Variants in NELL1 observed in about 807,000 individuals in gnomAD.
NELL1 encodes the protein neural EGFL like 1, also known as protein kinase C-binding protein NELL1.
A neutral mutation model predicts 107.4 loss-of-function variants in NELL1; 76 were observed. The ratio of observed to expected loss-of-function variants is 0.71; its 90% confidence interval spans 0.59 to 0.86. The LOEUF is 0.86. NELL1 is among the 40% of genes least tolerant of loss of function. NELL1 has a pLI of 0.00. For synonymous variants in NELL1, 353 were observed against 341.2 expected, an observed-to-expected ratio of 1.03 and a Z score of -0.38; for missense variants, 1,024 against 1,005.5, an observed-to-expected ratio of 1.02 and a Z score of -0.25.
chr11:21,281,120 CAGT>C (rs1848983246), intron 14 of NELL1, among the ~76,000 whole-genome samples: 1 of 151,720 alleles, frequency 6.6e-6, no homozygotes, highest in Non-Finnish European at 1.5e-5. Context: ...AGCTCAGTCA[CAGT>C]AGGATAGGCA....
chr11:20,891,608 CAGG>C (rs1849618160), intron 5 of NELL1, among the ~76,000 whole-genome samples: 1 of 152,116 alleles, frequency 6.6e-6, no homozygotes, highest in South Asian at 2.1e-4. Context: ...ATGCTGTATT[CAGG>C]AGATCCATCT....
intron 14 of NELL1, among the ~76,000 whole-genome samples, chr11:21,344,475 A>G (rs1850643082): frequency 6.6e-6 from 1 of 152,172 alleles, no homozygotes; most frequent in Non-Finnish European, 1.5e-5. Context: ...ACTCAGCTGA[A>G]TAACATTCAG....
intron 15 of NELL1, among the ~76,000 whole-genome samples, chr11:21,466,463 A>G (rs887179388): frequency 6.6e-6 from 1 of 152,178 alleles, no homozygotes; most frequent in East Asian, 1.9e-4. Context: ...GTGCTCACCC[A>G]GAGAGAAACA....
chr11:20,755,562 G>GTTTTTTT (rs869257918), intron 2 of NELL1, among the ~76,000 whole-genome samples: 2 of 26,044 alleles, frequency 7.7e-5, no homozygotes, highest in African/African-American at 1.3e-4. Context: ...TTTTGTTTTT[G>GTTTTTTT]TTTTTTTTTT....
chr11:20,741,225 C>T (rs2403620), intron 2 of NELL1, among the ~76,000 whole-genome samples: 96,939 of 151,500 alleles, frequency 0.64, 31,161 homozygotes, highest in Middle Eastern at 0.75. Flanking sequence ...GGAGCCTTCT[C>T]GCCCCTCATA....
chr11:21,176,951 GT>G (rs1418243766), intron 13 of NELL1, among the ~76,000 whole-genome samples: 1 of 150,640 alleles, frequency 6.6e-6, no homozygotes, highest in Non-Finnish European at 1.5e-5. Flanking sequence ...GAGTTCTTCA[GT>G]TTTTTTAATT....
chr11:21,008,996 A>G (rs1852389409), intron 12 of NELL1, among the ~76,000 whole-genome samples: 1 of 152,058 alleles, frequency 6.6e-6, no homozygotes, highest in South Asian at 2.1e-4. Flanking sequence ...CATCAGGGAG[A>G]GGGCAACTGT....
intron 3 of NELL1, among the ~76,000 whole-genome samples, chr11:20,821,516 T>C (rs1242031695): frequency 1.3e-5 from 2 of 152,178 alleles, no homozygotes; most frequent in Non-Finnish European, 2.9e-5. Flanking sequence ...GGCAGAGGGA[T>C]TGTAAAACAT....
At chr11:21,248,771 G>A (rs1858561723) in intron 14 of NELL1, among the ~76,000 whole-genome samples, 1 of 152,158 alleles carries the variant, frequency 6.6e-6, no homozygotes, top group Non-Finnish European at 1.5e-5. Flanking sequence ...TTTTCTTTAA[G>A]ACCATTATAA....
intron 2 of NELL1, among the ~76,000 whole-genome samples, chr11:20,688,207 AG>A (rs1854357841): frequency 6.6e-6 from 1 of 152,060 alleles, no homozygotes; most frequent in Non-Finnish European, 1.5e-5. Flanking sequence ...AAATTAAAAA[AG>A]TTTTCTCTTT....
chr11:20,916,852 T>G (rs11828520), intron 5 of NELL1, among the ~76,000 whole-genome samples: 3,099 of 152,058 alleles, frequency 0.02, 118 homozygotes, highest in African/African-American at 0.071. Flanking sequence ...TGGGTGGATC[T>G]TTAGGTTTTT....
At chr11:21,245,430 T>C (rs971118142) in intron 14 of NELL1, among the ~76,000 whole-genome samples, 15 of 152,148 alleles carry the variant, frequency 9.9e-5, no homozygotes, top group African/African-American at 3.4e-4. Context: ...AGTAAATTCT[T>C]AGCTGTTGTG....
At chr11:21,415,645 T>C (rs937173332) in intron 15 of NELL1, among the ~76,000 whole-genome samples, 2 of 152,084 alleles carry the variant, frequency 1.3e-5, no homozygotes, top group African/African-American at 2.4e-5. Flanking sequence ...GTCTCTTTAA[T>C]TGATGACAGC....
intron 14 of NELL1, among the ~76,000 whole-genome samples, chr11:21,328,261 G>T (rs1850191044): frequency 6.6e-6 from 1 of 151,988 alleles, no homozygotes; most frequent in Admixed American, 6.6e-5. Context: ...AGATGTTTCA[G>T]TTGTAGCCAG....
intron 12 of NELL1, among the ~76,000 whole-genome samples, chr11:21,052,614 T>G (rs754085780): frequency 6.6e-6 from 1 of 152,130 alleles, no homozygotes; most frequent in Non-Finnish European, 1.5e-5. Context: ...CCAGCTGTGC[T>G]GTGAAGGAAA....
rs181582705 is a variant in NELL1 at position 21,232,747 on chromosome 11, G to A, written c.1549+3293G>A. Among the ~76,000 whole-genome samples the A allele has an allele frequency of 1.6e-4, 25 of 152,162 alleles. No individual in the cohort carries two copies. In the East Asian group the frequency reaches 3.1e-3, roughly 19 times the overall value. On this transcript the variant is annotated intron_variant, in intron 14 of 19. Coordinates refer to ENST00000357134, the MANE Select transcript of NELL1 (RefSeq NM_006157.5). Reference sequence around the variant, plus strand: ...CAGCTCATTGTAACCTCTGCCTCCCGGCTTCAAGCGATTATCCTGCCTCAG... The same window carrying A: ...CAGCTCATTGTAACCTCTGCCTCCCAGCTTCAAGCGATTATCCTGCCTCAG...
chr11:21,379,857 T>G (rs1288428481), intron 15 of NELL1, among the ~76,000 whole-genome samples: 1 of 152,120 alleles, frequency 6.6e-6, no homozygotes, highest in East Asian at 1.9e-4. Context: ...ATTTTATATC[T>G]TGCCTGTATT....
chr11:21,279,633 A>G (rs2133945747), intron 14 of NELL1, among the ~76,000 whole-genome samples: 1 of 152,306 alleles, frequency 6.6e-6, no homozygotes, highest in South Asian at 2.1e-4. Context: ...AGCACCAGGA[A>G]CTCTACCATC....
chr11:21,357,408 T>G (rs1273628528), intron 14 of NELL1, among the ~76,000 whole-genome samples: 1 of 152,228 alleles, frequency 6.6e-6, no homozygotes, highest in Admixed American at 6.5e-5. Flanking sequence ...TAATTAGTGA[T>G]GTTGAGAATT....
Sources: allele counts gnomAD v4.1 joint callset (sites outside exome capture counted in the v4.1 genomes callset), GRCh38; gene constraint gnomAD v4.1.1; transcripts MANE v1.5; gene names NCBI Gene and HGNC (gene_info 2026-07-23, HGNC 2026-07-21).